The following CRPPA variants were observed in gnomAD, a reference collection of about 807,000 sequenced individuals.
The protein encoded by CRPPA is D-ribitol-5-phosphate cytidylyltransferase.
A neutral mutation model predicts 52.0 loss-of-function variants in CRPPA; 43 were observed. The ratio of observed to expected loss-of-function variants is 0.83; its 90% CI spans 0.65 to 1.07. The LOEUF is 1.07. Ranked by LOEUF, CRPPA falls within the 50% of genes least tolerant of loss-of-function variation. CRPPA has a pLI of 0.00. For missense variants in CRPPA, 629 were observed against 551.7 expected, an observed-to-expected ratio of 1.14 and a Z score of -1.40; for synonymous variants, 250 against 203.5, an observed-to-expected ratio of 1.23 and a Z score of -1.94.
In CRPPA at chr7:16,421,458, C is replaced by G. The variant is rs999248149; in HGVS notation, c.-136G>C. 4 of 871,912 alleles carry G rather than the reference C, an allele frequency of 4.6e-6. No homozygotes were observed. Among genetic ancestry groups the G allele is most frequent in the Non-Finnish European group, 1.5e-6 (1 of 667,498 alleles). 54.0% of individuals were successfully genotyped at this position (871,912 alleles called of 1,614,324 possible). A position where few individuals can be genotyped will look rare whatever the true frequency, so the allele number is the denominator to read the frequency against. Reference sequence around the variant, plus strand: ...AGAGCGCGCAAGCAGAAGGCGCCCCCCTCAGCCGTCGGAGCCCCGCTGTTG... The same window carrying G: ...AGAGCGCGCAAGCAGAAGGCGCCCCGCTCAGCCGTCGGAGCCCCGCTGTTG... On this transcript the variant is annotated 5_prime_UTR_variant, in exon 1 of 10. Coordinates refer to ENST00000407010, the MANE Select transcript of CRPPA (RefSeq NM_001101426.4).
chr7:16,181,148 T>C (rs1159297147), intron 9 of CRPPA, among the ~76,000 whole-genome samples: 2 of 152,024 alleles, frequency 1.3e-5, no homozygotes, highest in Middle Eastern at 3.2e-3. Flanking sequence ...ATTTTAATTC[T>C]ATTGAAAATT....
intron 1 of CRPPA, 96 bp downstream of exon 1, chr7:16,420,970 C>A (rs1159498190): frequency 6.4e-6 from 7 of 1,089,912 alleles, no homozygotes; most frequent in Middle Eastern, 2.4e-4. Context: ...GCCCGGCAGT[C>A]CCCCAAGTGA....
chr7:16,271,957 C>T (rs1000141402), intron 6 of CRPPA, among the ~76,000 whole-genome samples: 1 of 152,116 alleles, frequency 6.6e-6, no homozygotes, highest in African/African-American at 2.4e-5. Flanking sequence ...AAAGACTAAT[C>T]ATATCTTCCC....
At chr7:16,177,850 T>C (rs952777906) in intron 9 of CRPPA, among the ~76,000 whole-genome samples, 1 of 152,116 alleles carries the variant, frequency 6.6e-6, no homozygotes, top group Non-Finnish European at 1.5e-5. Flanking sequence ...ACCAAATGGA[T>C]GGCTATTTTC....
Position 16,223,903 on chromosome 7 carries a change from A to G in CRPPA, c.1120-7706T>C, listed in dbSNP as rs79161846. Among the ~76,000 whole-genome samples the G allele has an allele frequency of 6.0e-3, 909 of 152,220 alleles. 10 individuals carry two copies. The highest frequency in any genetic ancestry group is 0.021 in the African/African-American group (868 of 41,542). On this transcript the variant is annotated intron_variant, in intron 8 of 9. Transcript: ENST00000407010. The stretch of plus-strand genomic sequence containing the variant: ...AGATTTTTTTTTGTCTTTTTGTACC[A>G]TTCACTAATTCACTAAATAGAATTA...
At chr7:16,233,523 A>G (rs902452872) in intron 8 of CRPPA, among the ~76,000 whole-genome samples, 12 of 152,176 alleles carry the variant, frequency 7.9e-5, no homozygotes, top group Admixed American at 3.3e-4. Flanking sequence ...TATATTAAAA[A>G]GGACCTAAAT....
intron 9 of CRPPA, among the ~76,000 whole-genome samples, chr7:16,116,201 A>C (rs2128368432): frequency 6.6e-6 from 1 of 152,314 alleles, no homozygotes; most frequent in East Asian, 1.9e-4. Flanking sequence ...GCAGTGAGAC[A>C]GATATCATGT....
At chr7:16,237,277 G>C (rs549516278) in intron 8 of CRPPA, 5 of 152,170 alleles carry the variant, frequency 3.3e-5, no homozygotes, top group Admixed American at 2.0e-4. Flanking sequence ...CGACCAGATG[G>C]CTTATTAACA....
intron 9 of CRPPA, among the ~76,000 whole-genome samples, chr7:16,178,656 T>G (rs1330517891): frequency 6.6e-6 from 1 of 152,086 alleles, no homozygotes; most frequent in Admixed American, 6.6e-5. Context: ...GGGCAGACTA[T>G]CAGTGACTTA....
chr7:16,144,141 A>C (rs537635640), intron 9 of CRPPA, among the ~76,000 whole-genome samples: 51 of 152,306 alleles, frequency 3.3e-4, no homozygotes, highest in African/African-American at 1.2e-3. Context: ...AGACCTTGAT[A>C]CCAGCTTCAG....
chr7:16,344,860 T>C (rs886548145), intron 3 of CRPPA, among the ~76,000 whole-genome samples: 109 of 150,892 alleles, frequency 7.2e-4, no homozygotes, highest in African/African-American at 2.2e-3. Flanking sequence ...TATCAGTGGA[T>C]AATAATGAAG....
chr7:16,188,671 G>C (rs1428514908), intron 9 of CRPPA, among the ~76,000 whole-genome samples: 1 of 152,112 alleles, frequency 6.6e-6, no homozygotes, highest in Non-Finnish European at 1.5e-5. Flanking sequence ...AGAGAAGTCA[G>C]TTCATTTCAG....
rs1562496882 is a variant in CRPPA at position 16,089,465 on chromosome 7, A to ATG, written c.*2229_*2230insCA. 29 of 328,764 alleles carry ATG rather than the reference A, an allele frequency of 8.8e-5. No homozygotes were observed. The highest frequency in any genetic ancestry group is 5.9e-4 in the African/African-American group (27 of 46,012). 20.4% of individuals were successfully genotyped at this position (328,764 alleles called of 1,614,324 possible). A position where few individuals can be genotyped will look rare whatever the true frequency, so the allele number is the denominator to read the frequency against. On this transcript the variant is annotated 3_prime_UTR_variant, in exon 10 of 10. Transcript: ENST00000407010. ...TGTACGTGCATACATATATGTGTAT[A>ATG]TATGTACGTACATATATACGGGTAT...
intron 9 of CRPPA, among the ~76,000 whole-genome samples, chr7:16,136,497 T>C (rs1175550540): frequency 6.6e-6 from 1 of 152,228 alleles, no homozygotes; most frequent in Non-Finnish European, 1.5e-5. Context: ...TGTGACAATG[T>C]TGTATCCATT....
chr7:16,255,704 AT>A (rs1365815454), intron 8 of CRPPA, among the ~76,000 whole-genome samples: 1 of 152,200 alleles, frequency 6.6e-6, no homozygotes, highest in Non-Finnish European at 1.5e-5. Flanking sequence ...AGGATTCCCT[AT>A]TTAATAAGTG....
At chr7:16,101,139 T>G (rs558631769) in intron 9 of CRPPA, among the ~76,000 whole-genome samples, 1 of 152,172 alleles carries the variant, frequency 6.6e-6, no homozygotes, top group South Asian at 2.1e-4. Flanking sequence ...CTCTGCCAGG[T>G]GTTTGTATCA....
At chr7:16,397,260 C>G (rs934183516) in intron 2 of CRPPA, among the ~76,000 whole-genome samples, 1 of 152,174 alleles carries the variant, frequency 6.6e-6, no homozygotes, top group Non-Finnish European at 1.5e-5. Context: ...GTACACATGA[C>G]CAACACAACA....
At chr7:16,358,707 T>C (rs566346289) in intron 3 of CRPPA, among the ~76,000 whole-genome samples, 1 of 152,300 alleles carries the variant, frequency 6.6e-6, no homozygotes, top group African/African-American at 2.4e-5. Flanking sequence ...TGTACAGGTA[T>C]CTTGGCATTC....
intron 4 of CRPPA, among the ~76,000 whole-genome samples, chr7:16,303,477 T>TACAAAAAAAAAAAAAAAAAAAAAAAAAA (rs1784832024): frequency 2.2e-5 from 1 of 44,970 alleles, no homozygotes; most frequent in African/African-American, 8.3e-5. Flanking sequence ...CATAAAATAG[T>TACAAAAAAAAAAAAAAAAAAAAAAAAAA]AAAAAAAAAA....
Sources: allele counts gnomAD v4.1 joint callset (sites outside exome capture counted in the v4.1 genomes callset), GRCh38; gene constraint gnomAD v4.1.1; transcripts MANE v1.5; gene names NCBI Gene and HGNC (gene_info 2026-07-23, HGNC 2026-07-21).